The following ZNF423 variants were observed in gnomAD, a reference collection of about 807,000 sequenced individuals.
The protein encoded by ZNF423 is zinc finger protein 423.
A neutral mutation model predicts 95.8 loss-of-function variants in ZNF423; 12 were observed. That is an observed-to-expected ratio of 0.13 (90% CI 0.08 to 0.20). The LOEUF (loss-of-function observed/expected upper bound fraction) is 0.20. Ranked by LOEUF, ZNF423 falls within the 10% of genes least tolerant of loss-of-function variation. The pLI is 1.00. For synonymous variants in ZNF423, 749 were observed against 711.9 expected (o/e 1.05, Z -0.83); for missense variants, 1,316 against 1,737.1 (o/e 0.76, Z 4.31).
chr16:49,626,852 A>G (rs1468968891), intron 4 of ZNF423, among the ~76,000 whole-genome samples: 1 of 132,726 alleles, frequency 7.5e-6, no homozygotes, highest in African/African-American at 2.8e-5. Flanking sequence ...CCATCCATCC[A>G]TCCTCCATCT....
At chr16:49,732,434 C>T (rs1464014810) in intron 2 of ZNF423, among the ~76,000 whole-genome samples, 1 of 152,222 alleles carries the variant, frequency 6.6e-6, no homozygotes, top group Non-Finnish European at 1.5e-5. Flanking sequence ...TCTCTTCCCA[C>T]AGCCTGTCCT....
intron 2 of ZNF423, among the ~76,000 whole-genome samples, chr16:49,786,073 C>G (rs942760594): frequency 6.6e-6 from 1 of 152,242 alleles, no homozygotes; most frequent in Non-Finnish European, 1.5e-5. Context: ...GCTCCTTCCC[C>G]TGGGCTCACC....
intron 1 of ZNF423, chr16:49,854,837 T>C: frequency 1.0e-6 from 1 of 985,272 alleles, no homozygotes. Context: ...TGGGTGTGTG[T>C]ATCTATATAT....
intron 5 of ZNF423, among the ~76,000 whole-genome samples, chr16:49,615,236 G>C (rs1048216657): frequency 6.6e-6 from 1 of 152,106 alleles, no homozygotes; most frequent in Non-Finnish European, 1.5e-5. Context: ...AGGGTGCAGG[G>C]TTGCCAGGTA....
chr16:49,785,528 T>C (rs113169809), intron 2 of ZNF423, among the ~76,000 whole-genome samples: 27 of 152,374 alleles, frequency 1.8e-4, no homozygotes, highest in Non-Finnish European at 3.2e-4. Flanking sequence ...TAAAAAGATA[T>C]AAGCTGGGTT....
chr16:49,677,238 GAAGAGAAGAT>G (rs1298209840), intron 3 of ZNF423, among the ~76,000 whole-genome samples: 1,203 of 16,904 alleles, frequency 0.071, 493 homozygotes, highest in African/African-American at 0.2. Flanking sequence ...AAAGAGAAGA[GAAGAGAAGAT>G]AAGAGAAGAG....
At chr16:49,657,251 A>T (rs72780324) in intron 3 of ZNF423, among the ~76,000 whole-genome samples, 3,208 of 152,310 alleles carry the variant, frequency 0.021, 46 homozygotes, top group Non-Finnish European at 0.035. Context: ...CCCATCCAGG[A>T]CCTAGCCCCA....
intron 3 of ZNF423, among the ~76,000 whole-genome samples, chr16:49,699,236 G>T (rs1466523747): frequency 6.6e-6 from 1 of 152,146 alleles, no homozygotes; most frequent in Non-Finnish European, 1.5e-5. Flanking sequence ...AATTGCCAGC[G>T]GCTGGCCGGC....
intron 5 of ZNF423, among the ~76,000 whole-genome samples, chr16:49,600,058 C>T (rs1002170151): frequency 6.6e-6 from 1 of 152,196 alleles, no homozygotes; most frequent in African/African-American, 2.4e-5. Flanking sequence ...TGGTGGCTCA[C>T]TCCTGTAATC....
At chr16:49,601,330 A>G (rs1971366265) in intron 5 of ZNF423, among the ~76,000 whole-genome samples, 1 of 152,216 alleles carries the variant, frequency 6.6e-6, no homozygotes, top group Non-Finnish European at 1.5e-5. Flanking sequence ...CCCCATCTAC[A>G]AATGGAGAGA....
chr16:49,587,717 A>G lies in ZNF423; in HGVS notation c.3601+38453T>C, dbSNP rs147354040. Among the ~76,000 whole-genome samples the G allele has an allele frequency of 2.0e-3, 304 of 152,228 alleles. 1 individual carries two copies. The highest frequency in any genetic ancestry group is 3.1e-3 in the Non-Finnish European group (212 of 68,002). On this transcript the variant is annotated intron_variant, in intron 5 of 7. Transcript: ENST00000563137. Reference sequence around the variant, plus strand: ...CCTGGAAAGACTATAAAAGTCATCAACTTCTACAATCAGGAGTCACCGGTG... The same window carrying G: ...CCTGGAAAGACTATAAAAGTCATCAGCTTCTACAATCAGGAGTCACCGGTG...
chr16:49,667,463 G>C (rs2030599304), intron 3 of ZNF423, among the ~76,000 whole-genome samples: 1 of 152,248 alleles, frequency 6.6e-6, no homozygotes, highest in South Asian at 2.1e-4. Context: ...AACCAACTGG[G>C]ATGGAGGGAA....
intron 7 of ZNF423, among the ~76,000 whole-genome samples, chr16:49,491,518 G>T (rs1966962239): frequency 6.7e-6 from 1 of 149,630 alleles, no homozygotes; most frequent in African/African-American, 2.5e-5. Context: ...TGCCAACTTG[G>T]ACTCCCTATA....
intron 3 of ZNF423, among the ~76,000 whole-genome samples, chr16:49,669,237 G>A (rs1186435894): frequency 2.6e-5 from 4 of 151,826 alleles, no homozygotes; most frequent in African/African-American, 9.7e-5. Flanking sequence ...GCTGAGGTGG[G>A]AGAATCACTT....
intron 3 of ZNF423, among the ~76,000 whole-genome samples, chr16:49,660,844 G>T (rs555281650): frequency 4.6e-5 from 7 of 152,048 alleles, no homozygotes; most frequent in South Asian, 2.1e-4. Flanking sequence ...GGGGGGATGG[G>T]GGGGGAGCTT....
intron 7 of ZNF423, among the ~76,000 whole-genome samples, chr16:49,522,491 A>G (rs1048827924): frequency 6.6e-6 from 1 of 152,174 alleles, no homozygotes; most frequent in East Asian, 1.9e-4. Context: ...GATATGTCAC[A>G]TGGGCAACAA....
At chr16:49,775,459 T>C (rs1376348339) in intron 2 of ZNF423, among the ~76,000 whole-genome samples, 1 of 152,176 alleles carries the variant, frequency 6.6e-6, no homozygotes, top group African/African-American at 2.4e-5. Flanking sequence ...CTCGACAGCC[T>C]TTCATTAGTA....
intron 3 of ZNF423, among the ~76,000 whole-genome samples, chr16:49,717,043 C>T (rs998947075): frequency 2.0e-5 from 3 of 152,178 alleles, no homozygotes; most frequent in Non-Finnish European, 4.4e-5. Context: ...TCCTCCCCCG[C>T]CACCCTCTGA....
chr16:49,638,036 G>T lies in ZNF423; in HGVS notation c.1140C>A (p.Pro380=). The T allele has an allele frequency of 6.2e-7, 1 of 1,613,994 alleles. No homozygotes were observed. The highest frequency in any genetic ancestry group is 8.5e-7 in the Non-Finnish European group (1 of 1,180,022). Reference sequence around the variant, plus strand: ...CACGCTCCACAGAGGCGCTGGAGTCGGGTGTGGCGCTGCTCATGGAGGCCA... The same window carrying T: ...CACGCTCCACAGAGGCGCTGGAGTCTGGTGTGGCGCTGCTCATGGAGGCCA... ...GSVASMSSAT[P]DSSASVERGS... is the part of the protein sequence containing the mutation. The change falls in exon 4 of 8, where the codon CCC becomes CCA. Residue 380 remains proline (P), a synonymous_variant. Coordinates refer to ENST00000563137, the MANE Select transcript of ZNF423 (RefSeq NM_001379286.1). The surrounding 1 kb of genome is among the most constrained non-coding windows in gnomAD (Gnocchi z 5.6).
Sources: allele counts gnomAD v4.1 joint callset (sites outside exome capture counted in the v4.1 genomes callset), GRCh38; gene constraint gnomAD v4.1.1; non-coding constraint Gnocchi (gnomAD v3.1); transcripts MANE v1.5; gene names NCBI Gene and HGNC (gene_info 2026-07-23, HGNC 2026-07-21).